PFKM: variants seen among roughly 807,000 people sequenced by gnomAD.
The protein encoded by PFKM is ATP-dependent 6-phosphofructokinase, muscle type.
In PFKM, 58 loss-of-function variants were observed where a neutral mutation model predicts 95.5. The ratio of observed to expected loss-of-function variants is 0.61; its 90% CI spans 0.49 to 0.76. The LOEUF (loss-of-function observed/expected upper bound fraction) is 0.76. PFKM is among the 30% of genes least tolerant of loss of function. PFKM has a pLI of 0.00. For missense variants in PFKM, 678 were observed against 1,005.4 expected, an observed-to-expected ratio of 0.67 and a Z score of 4.40; for synonymous variants, 336 against 357.2, an observed-to-expected ratio of 0.94 and a Z score of 0.67.
intron 15 of PFKM, 82 bp downstream of exon 15, chr12:48,141,463 C>T: frequency 8.3e-7 from 1 of 1,202,984 alleles, no homozygotes; most frequent in Non-Finnish European, 1.2e-6. Context: ...CCATGGTCTG[C>T]TTCAACCACC....
Position 48,137,723 on chromosome 12 carries a change from C to T in PFKM, c.939C>T (p.Gly313=), listed in dbSNP as rs1403325212. ...GTPSAFDRIL[G]SRMGVEAVMA... The stretch of plus-strand genomic sequence containing the variant: ...CTTTGTTCTCTGGGCTCCTGCAGGG[C>T]AGCAGGATGGGTGTGGAAGCAGTGA... The change falls in exon 11 of 23, where the codon GGC becomes GGT. Residue 313 remains glycine, a splice_region_variant and synonymous_variant. Coordinates refer to ENST00000359794, the MANE Select transcript of PFKM (RefSeq NM_000289.6). 6.2e-7 allele frequency: 1 copy of T among 1,614,146 alleles called. No homozygotes were observed. Among genetic ancestry groups the T allele is most frequent in the Admixed American group, 1.7e-5 (1 of 60,012 alleles).
intron 2 of PFKM, among the ~76,000 whole-genome samples, chr12:48,127,010 T>C (rs1028155205): frequency 1.3e-5 from 2 of 152,216 alleles, no homozygotes; most frequent in Non-Finnish European, 2.9e-5. Flanking sequence ...GCTTCTAGAC[T>C]TCATGGGGCT....
Position 48,133,364 on chromosome 12 carries a change from G to A in PFKM, c.477G>A (p.Val159=). Residue 159 remains valine, a synonymous_variant, in exon 6 of 23, where the codon GTG becomes GTA. Transcript: ENST00000359794. ...CGAAGTCCAGCTACCTGAACATTGT[G>A]GGCCTGGTTGGGTCAATTGACAATG... ...EATKSSYLNI[V]GLVGSIDNDF... 6.2e-7 allele frequency: 1 copy of A among 1,613,988 alleles called. No individual in the cohort carries two copies. Among genetic ancestry groups the A allele is most frequent in the Non-Finnish European group, 8.5e-7 (1 of 1,179,890 alleles).
At chr12:48,109,358 CTTTTTCTTTTCTTTCCT>C (rs918566498) in intron 3 of PFKM, among the ~76,000 whole-genome samples, 6 of 143,074 alleles carry the variant, frequency 4.2e-5, no homozygotes, top group East Asian at 2.5e-4. Context: ...TCCTTCCTTT[CTTTTTCTTTTCTTTCCT>C]TTTTTCTTTT....
chr12:48,125,482 G>A lies in PFKM; in HGVS notation c.85+2623G>A, dbSNP rs1308798345. The A allele has an allele frequency of 1.5e-4, 51 of 348,728 alleles. 1 individual carries two copies. The Admixed American group carries it at 1.6e-3, about 11-fold the overall frequency. 21.6% of individuals were successfully genotyped at this position (348,728 alleles called of 1,614,324 possible). A position where few individuals can be genotyped will look rare whatever the true frequency, so the allele number is the denominator to read the frequency against. On this transcript the variant is annotated intron_variant, in intron 2 of 22. Coordinates refer to ENST00000359794, the MANE Select transcript of PFKM (RefSeq NM_000289.6). ...ACTAAAAATACAAAATTAGCTGGGC[G>A]TGGTGGTGCATGCCTGTAATCCCAG...
intron 2 of PFKM, among the ~76,000 whole-genome samples, chr12:48,129,170 T>C (rs1429489829): frequency 6.6e-6 from 1 of 151,622 alleles, no homozygotes; most frequent in Non-Finnish European, 1.5e-5. Context: ...CTCTCTATTT[T>C]AGTCCTAAGT....
rs1321674588 is a variant in PFKM, at chr12:48,142,779, C to G, written c.1654-3C>G. ...TTCTAACTATAACCCATTGTCCTTGCAGACCTGTGACCGCATCAAGCAGTC... is the reference window on the plus strand; with the variant it reads ...TTCTAACTATAACCCATTGTCCTTGGAGACCTGTGACCGCATCAAGCAGTC... On this transcript the variant is annotated splice_region_variant and splice_polypyrimidine_tract_variant and intron_variant, in intron 17 of 22. Coordinates refer to ENST00000359794, the MANE Select transcript of PFKM (RefSeq NM_000289.6). The G allele has an allele frequency of 6.2e-7, 1 of 1,613,658 alleles. No individual in the cohort carries two copies. The highest frequency in any genetic ancestry group is 1.3e-5 in the African/African-American group (1 of 75,000).
intron 2 of PFKM, among the ~76,000 whole-genome samples, 153 bp from the exon 3 acceptor site, chr12:48,130,210 A>G (rs527480358): frequency 6.6e-6 from 1 of 152,346 alleles, no homozygotes; most frequent in Non-Finnish European, 1.5e-5. Flanking sequence ...TGGGGAGGCC[A>G]GAAGACTTTG....
In PFKM at chr12:48,134,918, C is replaced by T. The variant is rs1029891315; in HGVS notation, c.748-25C>T. The T allele has an allele frequency of 1.9e-6, 3 of 1,604,274 alleles. No homozygotes were observed. The African/African-American group carries it at 4.0e-5, about 21-fold the overall frequency. On this transcript the variant is annotated intron_variant, in intron 8 of 22. Coordinates refer to ENST00000359794, the MANE Select transcript of PFKM (RefSeq NM_000289.6). ...CACCCATCAGCTTCATTCCATGGAC[C>T]ATTTTACCCTTTGTTCTCAACCAGA...
intron 12 of PFKM, 168 bp downstream of exon 12, chr12:48,139,517 C>T (rs1448471505): frequency 3.0e-6 from 2 of 670,442 alleles, no homozygotes; most frequent in East Asian, 5.4e-5. Context: ...GACTGGGAGG[C>T]TCAGTTCATC....
chr12:48,141,239 C>A, intron 14 of PFKM, 72 bp from the exon 15 acceptor site: 2 of 1,363,370 alleles, frequency 1.5e-6, no homozygotes, highest in Non-Finnish European at 2.1e-6. Context: ...AGAACTCAAG[C>A]AGTGGCACCA....
At chr12:48,123,037 T>C (rs778844761) in intron 2 of PFKM, among the ~76,000 whole-genome samples, 178 bp downstream of exon 2, 15 of 152,228 alleles carry the variant, frequency 9.9e-5, no homozygotes, top group Non-Finnish European at 1.9e-4. Flanking sequence ...TGCGTTTATT[T>C]ACCCACATCT....
At chr12:48,113,217 C>G (rs1450739154) in intron 3 of PFKM, among the ~76,000 whole-genome samples, 1 of 152,088 alleles carries the variant, frequency 6.6e-6, no homozygotes, top group African/African-American at 2.4e-5. Flanking sequence ...GCCTGGCTGT[C>G]AATACCCACA....
At chr12:48,143,035 G>A (rs541382329) in intron 18 of PFKM, 89 bp downstream of exon 18, 1 of 1,268,028 alleles carries the variant, frequency 7.9e-7, no homozygotes, top group East Asian at 2.5e-5. Context: ...CTCAAGTTGA[G>A]GACCGAGCTG....
At chr12:48,134,386 A>G (rs958853546) in intron 7 of PFKM, 110 bp downstream of exon 7, 3 of 927,262 alleles carry the variant, frequency 3.2e-6, no homozygotes, top group Admixed American at 1.8e-5. Flanking sequence ...GGAGGTGCAC[A>G]TGCTCCTTGT....
At chr12:48,107,559 G>T in intron 2 of PFKM, 1 of 737,208 alleles carries the variant, frequency 1.4e-6, no homozygotes, top group Non-Finnish European at 2.4e-6. Context: ...CGGATTTTAG[G>T]GGTCAACTGA....
chr12:48,107,928 G>A, intron 2 of PFKM: 1 of 681,248 alleles, frequency 1.5e-6, no homozygotes, highest in Non-Finnish European at 2.4e-6. Flanking sequence ...TCTTTTTGAG[G>A]TACATCGCGT....
chr12:48,123,908 C>T (rs1948552577), intron 2 of PFKM, among the ~76,000 whole-genome samples: 1 of 152,150 alleles, frequency 6.6e-6, no homozygotes, highest in East Asian at 1.9e-4. Flanking sequence ...GTGAAAACTT[C>T]ATGGAGAAGG....
chr12:48,105,768 T>G, upstream of PFKM: 1 of 562,884 alleles, frequency 1.8e-6, no homozygotes, highest in South Asian at 2.1e-5. Flanking sequence ...GGAGACGGTC[T>G]CTCCGCGGCC....
Sources: gnomAD v4.1 joint callset for allele counts (sites outside exome capture counted in the v4.1 genomes callset) on GRCh38, gnomAD v4.1.1 for gene constraint, MANE v1.5 for transcripts, NCBI Gene and HGNC (gene_info 2026-07-23, HGNC 2026-07-21) for gene names.